The following ADCY9 variants were observed in gnomAD, a reference collection of about 807,000 sequenced individuals.
ADCY9 encodes adenylate cyclase 9, also known as adenylate cyclase type 9.
A neutral mutation model predicts 101.5 loss-of-function variants in ADCY9; 50 were observed. That is an observed-to-expected ratio of 0.49 (90% CI 0.39 to 0.62). The LOEUF is 0.62. Among genes scored for constraint, ADCY9 ranks in the 20% least tolerant of loss-of-function variants. The probability of loss-of-function intolerance (pLI) is 0.00; values close to 1 mark genes in which losing one functional copy is unlikely to be tolerated. For missense variants in ADCY9, 1,662 were observed against 1,800.4 expected (o/e 0.92, Z 1.39); for synonymous variants, 905 against 769.3 (o/e 1.18, Z -2.92).
chr16:4,105,596 C>T (rs2057071389), intron 2 of ADCY9, among the ~76,000 whole-genome samples: 1 of 151,682 alleles, frequency 6.6e-6, no homozygotes, highest in Admixed American at 6.6e-5. Context: ...ACGAGAATTC[C>T]TTGCACCCAG....
At chr16:4,073,140 G>A (rs1027112076) in intron 2 of ADCY9, among the ~76,000 whole-genome samples, 5 of 151,866 alleles carry the variant, frequency 3.3e-5, no homozygotes, top group African/African-American at 9.7e-5. Flanking sequence ...TATTGCCCAG[G>A]CTGGAATGCA....
In ADCY9 at chr16:3,993,461, G is replaced by T. The variant is rs915966240; in HGVS notation, c.1934C>A (p.Ala645Asp). 6.2e-7 allele frequency: 1 copy of T among 1,614,208 alleles called. No individual in the cohort carries two copies. The highest frequency in any genetic ancestry group is 8.5e-7 in the Non-Finnish European group (1 of 1,180,034). ...ITFAPKSEAG[A>D]EGGAPQNGCQ... ...GCCGTTTTGAGGTGCTCCTCCCTCG[G>T]CGCCGGCTTCAGATTTGGGAGCAAA... is the stretch of plus-strand genomic sequence containing the variant. The change falls in exon 4 of 11, where the codon GCC becomes GAC. Residue 645 changes from alanine (A) to aspartate (D), a missense_variant. Physicochemically the swap from Ala to Asp is moderately radical, Grantham distance 126. Coordinates refer to ENST00000294016, the MANE Select transcript of ADCY9 (RefSeq NM_001116.4).
chr16:3,961,714 T>C (rs922913997), downstream of ADCY9, among the ~76,000 whole-genome samples: 20 of 152,110 alleles, frequency 1.3e-4, no homozygotes, highest in African/African-American at 4.6e-4. Context: ...CTTTGTGCCC[T>C]GAAGTTGGTC....
intron 2 of ADCY9, among the ~76,000 whole-genome samples, chr16:4,083,838 C>A (rs1180233749): frequency 6.6e-6 from 1 of 152,122 alleles, no homozygotes; most frequent in Non-Finnish European, 1.5e-5. Context: ...AGCTTAGGGG[C>A]TGCCAGGGGC....
At chr16:4,007,345 A>G (rs762402811) in intron 3 of ADCY9, 23 bp downstream of exon 3, 6 of 1,433,236 alleles carry the variant, frequency 4.2e-6, no homozygotes, top group South Asian at 1.5e-5. Flanking sequence ...TAGAAGTAGG[A>G]AAAAAAAAAC....
chr16:3,980,471 A>C (rs1463592116), intron 7 of ADCY9, among the ~76,000 whole-genome samples: 1 of 152,146 alleles, frequency 6.6e-6, no homozygotes, highest in Non-Finnish European at 1.5e-5. Context: ...GGAGCTGGGG[A>C]TAGGCCTGCT....
chr16:4,059,504 C>G lies in ADCY9; in HGVS notation c.1694-51946G>C, dbSNP rs1186899913. On this transcript the variant is annotated intron_variant, in intron 2 of 10. Coordinates refer to ENST00000294016, the MANE Select transcript of ADCY9 (RefSeq NM_001116.4). ...TGAGAAGCTTGGCAAAACCTCTCCT[C>G]AAAAAGTAACAACAAAACTAGACAA... Among the ~76,000 whole-genome samples the G allele has an allele frequency of 2.6e-5, 4 of 152,112 alleles. No individual in the cohort carries two copies. In the East Asian group the frequency reaches 7.7e-4, roughly 29 times the overall value.
chr16:3,983,196 G>A lies in ADCY9; in HGVS notation c.2519+36C>T, dbSNP rs116732712. 1,910 of 1,525,864 alleles carry A rather than the reference G, an allele frequency of 1.3e-3. 23 individuals are homozygous for A. In the African/African-American group the frequency reaches 0.024, roughly 19 times the overall value. 94.5% of individuals were successfully genotyped at this position (1,525,864 alleles called of 1,614,324 possible). Reference sequence around the variant, plus strand: ...ATGGAGCCAGAAGAGGGAGCTAACGGCTCAGAGCTGGAGACCCAGTCCACG... The same window carrying A: ...ATGGAGCCAGAAGAGGGAGCTAACGACTCAGAGCTGGAGACCCAGTCCACG... On this transcript the variant is annotated intron_variant, in intron 7 of 10. Coordinates refer to ENST00000294016, the MANE Select transcript of ADCY9 (RefSeq NM_001116.4).
chr16:3,967,211 C>G (rs560864329), intron 10 of ADCY9, among the ~76,000 whole-genome samples: 1 of 151,956 alleles, frequency 6.6e-6, no homozygotes, highest in Non-Finnish European at 1.5e-5. Flanking sequence ...GCTGGTCTTG[C>G]ACTCCTGGGC....
intron 2 of ADCY9, among the ~76,000 whole-genome samples, chr16:4,072,083 G>T (rs184382106): frequency 6.6e-6 from 1 of 152,178 alleles, no homozygotes; most frequent in South Asian, 2.1e-4. Flanking sequence ...GACTGAAGAC[G>T]ATTTAAAAGC....
At chr16:4,108,048 G>C (rs1321964647) in intron 2 of ADCY9, among the ~76,000 whole-genome samples, 2 of 152,202 alleles carry the variant, frequency 1.3e-5, no homozygotes, top group Admixed American at 6.5e-5. Context: ...CTGACAATGT[G>C]ATCACTCCCT....
intron 2 of ADCY9, among the ~76,000 whole-genome samples, chr16:4,056,944 C>A (rs12445047): frequency 7.9e-4 from 120 of 151,310 alleles, no homozygotes; most frequent in Middle Eastern, 6.8e-3. Context: ...TAAAGCTCTC[C>A]TTCAGGTGCC....
chr16:4,025,206 A>T lies in ADCY9; in HGVS notation c.1694-17648T>A, dbSNP rs547151598. ...GGTGAAACCCCCGTCTCTATTAAAAAATATATATATACAAAAATTAGCCAG... is the reference window on the plus strand; with the variant it reads ...GGTGAAACCCCCGTCTCTATTAAAATATATATATATACAAAAATTAGCCAG... On this transcript the variant is annotated intron_variant, in intron 2 of 10. Transcript: ENST00000294016. 2.4e-3 allele frequency among the ~76,000 whole-genome samples: 371 copies of T among 152,006 alleles called. 1 individual carries two copies. The highest frequency in any genetic ancestry group is 8.7e-3 in the African/African-American group (359 of 41,462).
At chr16:4,108,259 T>C (rs982525200) in intron 2 of ADCY9, among the ~76,000 whole-genome samples, 3 of 151,830 alleles carry the variant, frequency 2.0e-5, no homozygotes, top group African/African-American at 7.3e-5. Flanking sequence ...ATTTTTTGCT[T>C]GTGGCCCAAG....
intron 3 of ADCY9, among the ~76,000 whole-genome samples, chr16:3,994,715 C>T: frequency 6.6e-6 from 1 of 152,192 alleles, no homozygotes; most frequent in East Asian, 1.9e-4. Context: ...GTCTTGGCCT[C>T]CCAAAGTGCT....
chr16:4,040,771 T>C (rs1202961865), intron 2 of ADCY9, among the ~76,000 whole-genome samples: 1 of 152,188 alleles, frequency 6.6e-6, no homozygotes, highest in Admixed American at 6.5e-5. Flanking sequence ...CTAAGGAGTG[T>C]CTACTGAGTA....
chr16:4,030,717 G>A (rs2056549812), intron 2 of ADCY9, among the ~76,000 whole-genome samples: 1 of 150,992 alleles, frequency 6.6e-6, no homozygotes, highest in Admixed American at 6.6e-5. Context: ...AAAAAAAAAA[G>A]AATACACACT....
rs757885231 is a variant in ADCY9 at position 3,993,478 on chromosome 16, G to A, written c.1917C>T (p.Pro639=). ...TCPSCGITFA[P]KSEAGAEGGA... is the part of the protein sequence containing the mutation. ...CTCCCTCGGCGCCGGCTTCAGATTT[G>A]GGAGCAAATGTGATTCCGCACGAAG... The change falls in exon 4 of 11, where the codon CCC becomes CCT. Residue 639 remains proline (P), a synonymous_variant. Transcript: ENST00000294016. 1.1e-5 allele frequency: 17 copies of A among 1,614,040 alleles called. No homozygotes were observed. Among genetic ancestry groups the A allele is most frequent in the Non-Finnish European group, 1.4e-5 (17 of 1,180,034 alleles).
chr16:3,957,246 T>A (rs913538192), intron 5 of ADCY9, among the ~76,000 whole-genome samples: 16 of 152,194 alleles, frequency 1.1e-4, no homozygotes, highest in Admixed American at 1.0e-3. Flanking sequence ...TCTAACCTGA[T>A]AAACAGAAAA....
Sources: allele counts gnomAD v4.1 joint callset (sites outside exome capture counted in the v4.1 genomes callset), GRCh38; gene constraint gnomAD v4.1.1; transcripts MANE v1.5; gene names NCBI Gene and HGNC (gene_info 2026-07-23, HGNC 2026-07-21).